The following AKT3 variants were observed in gnomAD, a reference collection of about 807,000 sequenced individuals.
AKT3 encodes the protein AKT serine/threonine kinase 3.
A neutral mutation model predicts 65.3 loss-of-function variants in AKT3; 15 were observed. That is an observed-to-expected ratio of 0.23 (90% CI 0.15 to 0.35). The LOEUF (loss-of-function observed/expected upper bound fraction) is 0.35, where lower values mean the gene tolerates loss of function less well. Among genes scored for constraint, AKT3 ranks in the 10% least tolerant of loss-of-function variants. The pLI is 1.00. For missense variants in AKT3, 243 were observed against 576.5 expected (o/e 0.42, Z 5.92); for synonymous variants, 206 against 183.8 (o/e 1.12, Z -0.98).
intron 8 of AKT3, among the ~76,000 whole-genome samples, chr1:243,606,544 TC>T (rs1339701738): frequency 2.0e-5 from 3 of 152,172 alleles, no homozygotes; most frequent in African/African-American, 7.2e-5. Flanking sequence ...GGAGGAAATT[TC>T]TAAGTGGCAA....
intron 2 of AKT3, among the ~76,000 whole-genome samples, chr1:243,839,778 T>C (rs112610361): frequency 6.6e-6 from 1 of 151,304 alleles, no homozygotes; most frequent in East Asian, 1.9e-4. Context: ...GAAAAAAGAC[T>C]AATATTCAAA....
At chr1:243,600,618 G>C (rs998716924) in intron 8 of AKT3, among the ~76,000 whole-genome samples, 1 of 152,014 alleles carries the variant, frequency 6.6e-6, no homozygotes, top group Non-Finnish European at 1.5e-5. Context: ...AGAAACAAAT[G>C]AAACATGACC....
chr1:243,570,354 T>A (rs1451510430), intron 9 of AKT3, among the ~76,000 whole-genome samples: 1 of 152,230 alleles, frequency 6.6e-6, no homozygotes, highest in Non-Finnish European at 1.5e-5. Flanking sequence ...TAATGTTCTT[T>A]AATACATCTG....
intron 3 of AKT3, among the ~76,000 whole-genome samples, chr1:243,684,882 T>G (rs2147988681): frequency 6.6e-6 from 1 of 152,356 alleles, no homozygotes; most frequent in East Asian, 1.9e-4. Context: ...TCATTGTGTT[T>G]TGATTTGCAT....
intron 5 of AKT3, among the ~76,000 whole-genome samples, chr1:243,643,559 G>A (rs989460490): frequency 2.0e-5 from 3 of 152,148 alleles, no homozygotes; most frequent in Non-Finnish European, 2.9e-5. Context: ...TTCAAACAAA[G>A]AAGAGCACTT....
chr1:243,841,204 C>A (rs1044949096), intron 2 of AKT3, among the ~76,000 whole-genome samples: 1 of 151,700 alleles, frequency 6.6e-6, no homozygotes, highest in Non-Finnish European at 1.5e-5. Context: ...AGTCCATGGA[C>A]TAAATACTTT....
intron 8 of AKT3, among the ~76,000 whole-genome samples, chr1:243,597,915 A>AT (rs1194736789): frequency 2.0e-5 from 3 of 152,188 alleles, no homozygotes; most frequent in Non-Finnish European, 4.4e-5. Flanking sequence ...AATTAAAATA[A>AT]TTTTTTTGGC....
At chr1:243,719,435 C>T (rs919815657) in intron 2 of AKT3, among the ~76,000 whole-genome samples, 1 of 152,200 alleles carries the variant, frequency 6.6e-6, no homozygotes, top group African/African-American at 2.4e-5. Context: ...TTTCTCACTC[C>T]TCAGTTCAAC....
At chr1:243,776,549 G>A (rs1403419335) in intron 2 of AKT3, among the ~76,000 whole-genome samples, 2 of 152,082 alleles carry the variant, frequency 1.3e-5, no homozygotes, top group African/African-American at 2.4e-5. Flanking sequence ...CATCATGCTG[G>A]CACCTTATCT....
At chr1:243,605,878 C>T (rs1174055386) in intron 8 of AKT3, among the ~76,000 whole-genome samples, 3 of 152,170 alleles carry the variant, frequency 2.0e-5, no homozygotes, top group Admixed American at 6.6e-5. Flanking sequence ...GAGGGATCCA[C>T]TGGAAGGTAA....
intron 2 of AKT3, among the ~76,000 whole-genome samples, chr1:243,716,653 C>G (rs1177751684): frequency 2.0e-5 from 3 of 151,978 alleles, no homozygotes; most frequent in Non-Finnish European, 4.4e-5. Context: ...AATGAGAATA[C>G]CTAACATAGA....
chr1:243,615,332 A>C (rs1395396604), intron 6 of AKT3, among the ~76,000 whole-genome samples, 171 bp from the exon 7 acceptor site: 2 of 152,212 alleles, frequency 1.3e-5, no homozygotes, highest in African/African-American at 4.8e-5. Flanking sequence ...AATACAAAAA[A>C]ACTCAAATTA....
chr1:243,697,307 C>T (rs1386524436), intron 2 of AKT3, among the ~76,000 whole-genome samples: 2 of 151,868 alleles, frequency 1.3e-5, no homozygotes, highest in Admixed American at 6.6e-5. Flanking sequence ...GCTTAATTTT[C>T]TTAGCTGTTC....
chr1:243,527,936 C>CACACACAGAG (rs1671266313), intron 12 of AKT3, among the ~76,000 whole-genome samples: 5 of 38,246 alleles, frequency 1.3e-4, no homozygotes, highest in African/African-American at 3.9e-4. Flanking sequence ...CACACACACA[C>CACACACAGAG]AGAGAGAGAG....
At chr1:243,702,137 A>G in intron 2 of AKT3, among the ~76,000 whole-genome samples, 1 of 149,064 alleles carries the variant, frequency 6.7e-6, no homozygotes, top group South Asian at 2.1e-4. Context: ...AGCTGGCCAT[A>G]CTGTCAATGT....
chr1:243,676,331 G>A (rs1683507266), intron 3 of AKT3, among the ~76,000 whole-genome samples: 1 of 152,212 alleles, frequency 6.6e-6, no homozygotes, highest in Non-Finnish European at 1.5e-5. Context: ...AAGAAGCCCA[G>A]TGTAATTGGA....
At chr1:243,746,704 T>G (rs538183469) in intron 2 of AKT3, among the ~76,000 whole-genome samples, 1 of 152,350 alleles carries the variant, frequency 6.6e-6, no homozygotes. Flanking sequence ...ATTCAATTGT[T>G]TGTTTTTAAA....
In AKT3 at chr1:243,707,245, A is replaced by G. The variant is rs531877162; in HGVS notation, c.47-11529T>C. The stretch of plus-strand genomic sequence containing the variant: ...AACTAGAGTGTTTAAAATAAAATGG[A>G]ATTTCTTTAATTTGTCTAGACTATC... On this transcript the variant is annotated intron_variant, in intron 2 of 13. Transcript: ENST00000673466. Among the ~76,000 whole-genome samples the G allele has an allele frequency of 1.5e-4, 23 of 152,284 alleles. No individual in the cohort carries two copies. In the Middle Eastern group the frequency reaches 0.01, roughly 68 times the overall value.
intron 10 of AKT3, among the ~76,000 whole-genome samples, chr1:243,562,363 G>C (rs570942306): frequency 1.3e-5 from 2 of 152,294 alleles, no homozygotes; most frequent in Admixed American, 1.3e-4. Flanking sequence ...TCTTGCTGGA[G>C]TGATGAAAAT....
Sources: allele counts gnomAD v4.1 joint callset (sites outside exome capture counted in the v4.1 genomes callset), GRCh38; gene constraint gnomAD v4.1.1; transcripts MANE v1.5; gene names NCBI Gene and HGNC (gene_info 2026-07-23, HGNC 2026-07-21).